Variants in TBCCD1 observed in about 807,000 individuals in gnomAD.
TBCCD1 encodes the protein TBCC domain containing 1.
A neutral mutation model predicts 53.4 loss-of-function variants in TBCCD1; 26 were observed. The ratio of observed to expected loss-of-function variants is 0.49; its 90% CI spans 0.36 to 0.68. TBCCD1 has a LOEUF of 0.68. Ranked by LOEUF, TBCCD1 falls within the 30% of genes least tolerant of loss-of-function variation. The probability of loss-of-function intolerance (pLI) is 0.00; values close to 1 mark genes in which losing one functional copy is unlikely to be tolerated. For synonymous variants in TBCCD1, 245 were observed against 241.7 expected, an observed-to-expected ratio of 1.01 and a Z score of -0.13; for missense variants, 558 against 669.5, an observed-to-expected ratio of 0.83 and a Z score of 1.84.
intron 7 of TBCCD1, 107 bp downstream of exon 7, chr3:186,551,022 G>A: frequency 1.7e-6 from 2 of 1,180,572 alleles, no homozygotes; most frequent in Non-Finnish European, 2.3e-6. Context: ...GCTGGTAGGA[G>A]CGGTAGAAAA....
At chr3:186,569,442 C>T (rs191021874), upstream of TBCCD1, among the ~76,000 whole-genome samples, 1 of 151,880 alleles carries the variant, frequency 6.6e-6, no homozygotes, top group Non-Finnish European at 1.5e-5. Context: ...CCTCAGGCTC[C>T]CGAGCAGCTG....
chr3:186,566,357 CTCGAGAA>C (rs1714830341), intron 1 of TBCCD1, among the ~76,000 whole-genome samples: 2 of 152,202 alleles, frequency 1.3e-5, no homozygotes, highest in Non-Finnish European at 2.9e-5. Context: ...CTGTGCCTCT[CTCGAGAA>C]TCATCTGTTC....
chr3:186,564,506 C>A, intron 1 of TBCCD1, 134 bp from the exon 2 acceptor site: 1 of 576,018 alleles, frequency 1.7e-6, no homozygotes, highest in Non-Finnish European at 2.9e-6. Context: ...CTCTAGTTCA[C>A]CAACCAAGAG....
chr3:186,564,246 A>C lies in TBCCD1; in HGVS notation c.84T>G (p.Phe28Leu), dbSNP rs549900875. The C allele has an allele frequency of 6.8e-6, 11 of 1,614,204 alleles. No individual in the cohort carries two copies. The African/African-American group carries it at 1.5e-4, about 22-fold the overall frequency. Reference protein sequence around the residue: ...GALQVPPPSKFSLHYLRKIST... With the variant: ...GALQVPPPSKLSLHYLRKIST... ...ATATCTTCCTGAGATAGTGAAGACT[A>C]AACTTGGATGGAGGGGGGACCTGCA... is the stretch of plus-strand genomic sequence containing the variant. Residue 28 changes from phenylalanine (F) to leucine (L), a missense_variant, in exon 2 of 8, where the codon TTT becomes TTG. Phe to Leu is a conservative substitution (Grantham distance 22). Transcript: ENST00000338733.
intron 6 of TBCCD1, among the ~76,000 whole-genome samples, chr3:186,553,943 G>A (rs1321494953): frequency 6.6e-6 from 1 of 152,100 alleles, no homozygotes; most frequent in Non-Finnish European, 1.5e-5. Context: ...CGCCTCCTGG[G>A]TTCAAGCAAT....
intron 7 of TBCCD1, among the ~76,000 whole-genome samples, chr3:186,550,227 C>CA (rs1313844798): frequency 0.19 from 14,004 of 71,990 alleles, 1,089 homozygotes; most frequent in South Asian, 0.29. Flanking sequence ...GACTCTGCCT[C>CA]AAAAAAAAAA....
chr3:186,563,708 C>T (rs571312220), intron 2 of TBCCD1, among the ~76,000 whole-genome samples: 15 of 152,266 alleles, frequency 9.9e-5, no homozygotes, highest in Non-Finnish European at 1.6e-4. Flanking sequence ...CAAATGATAA[C>T]TTGAGATTAC....
chr3:186,556,853 G>C, intron 3 of TBCCD1, 78 bp from the exon 4 acceptor site: 1 of 1,469,384 alleles, frequency 6.8e-7, no homozygotes. Context: ...TAATTATTTT[G>C]TATTTATACT....
intron 6 of TBCCD1, 87 bp from the exon 7 acceptor site, chr3:186,551,366 GATA>G: frequency 8.0e-7 from 1 of 1,249,648 alleles, no homozygotes; most frequent in Non-Finnish European, 1.1e-6. Flanking sequence ...ATTTTAATAG[GATA>G]ATGTTAAATG....
In TBCCD1 at chr3:186,558,489, G is replaced by T; in HGVS notation, c.420C>A (p.Gly140=). 6.2e-7 allele frequency: 1 copy of T among 1,614,104 alleles called. No homozygotes were observed. The highest frequency in any genetic ancestry group is 1.1e-5 in the South Asian group (1 of 91,070). The change falls in exon 3 of 8, where the codon GGC becomes GGA. Residue 140 remains glycine, a synonymous_variant. Coordinates refer to ENST00000338733, the MANE Select transcript of TBCCD1 (RefSeq NM_018138.5). Reference sequence around the variant, plus strand: ...TGTTTCTGGGACTGGGCCACTCTTCGCCAATCAAAGATGTCCTTAGGGAGA... The same window carrying T: ...TGTTTCTGGGACTGGGCCACTCTTCTCCAATCAAAGATGTCCTTAGGGAGA... The part of the protein sequence containing the change: ...NKVSLRTSLI[G]EEWPSPRNKS...
upstream of TBCCD1, chr3:186,570,507 C>T (rs902497539): frequency 4.0e-6 from 2 of 495,512 alleles, no homozygotes; most frequent in African/African-American, 2.0e-5. Flanking sequence ...GTAGCTCAGG[C>T]AGAGCGGGTT....
chr3:186,563,193 T>C (rs1714734494), intron 2 of TBCCD1, among the ~76,000 whole-genome samples: 1 of 152,238 alleles, frequency 6.6e-6, no homozygotes. Context: ...GTTAGATTGC[T>C]GCCTGAATGA....
At chr3:186,569,961 C>T, upstream of TBCCD1, 4 of 570,334 alleles carry the variant, frequency 7.0e-6, no homozygotes, top group East Asian at 8.4e-5. Flanking sequence ...ATGGTTTTTA[C>T]TCGTTGCCTG....
intron 6 of TBCCD1, among the ~76,000 whole-genome samples, 199 bp from the exon 7 acceptor site, chr3:186,551,478 C>T (rs1423152948): frequency 6.6e-6 from 1 of 152,194 alleles, no homozygotes; most frequent in Admixed American, 6.5e-5. Context: ...CCTCTTTCTA[C>T]TTTTTCATTG....
At chr3:186,559,777 GA>G (rs1484970325) in intron 2 of TBCCD1, among the ~76,000 whole-genome samples, 1 of 152,152 alleles carries the variant, frequency 6.6e-6, no homozygotes, top group Non-Finnish European at 1.5e-5. Context: ...AATTCACACA[GA>G]AAGATCCCAT....
chr3:186,569,388 G>A (rs1171819162), upstream of TBCCD1, among the ~76,000 whole-genome samples: 7 of 151,628 alleles, frequency 4.6e-5, no homozygotes, highest in Admixed American at 4.6e-4. Context: ...GCAGGAACTC[G>A]GCTCACTGCA....
chr3:186,563,887 A>C, intron 2 of TBCCD1, 107 bp downstream of exon 2: 1 of 1,330,316 alleles, frequency 7.5e-7, no homozygotes, highest in Non-Finnish European at 1.0e-6. Context: ...AACAAAGTGA[A>C]ACTCTGTTTC....
At chr3:186,553,950 C>T (rs1459057266) in intron 6 of TBCCD1, among the ~76,000 whole-genome samples, 1 of 152,168 alleles carries the variant, frequency 6.6e-6, no homozygotes, top group Non-Finnish European at 1.5e-5. Context: ...TGGGTTCAAG[C>T]AATTCTCCTG....
At chr3:186,570,134 G>A (rs1714972923), upstream of TBCCD1, 1 of 702,658 alleles carries the variant, frequency 1.4e-6, no homozygotes, top group African/African-American at 1.7e-5. Context: ...AGCCGAATCC[G>A]AACTTAAGTC....
Sources: gnomAD v4.1 joint callset for allele counts (sites outside exome capture counted in the v4.1 genomes callset) on GRCh38, gnomAD v4.1.1 for gene constraint, MANE v1.5 for transcripts, NCBI Gene and HGNC (gene_info 2026-07-23, HGNC 2026-07-21) for gene names.